OSCAR: variants seen among roughly 807,000 people sequenced by gnomAD.
OSCAR encodes osteoclast associated Ig-like receptor.
A neutral mutation model predicts 27.3 loss-of-function variants in OSCAR; 25 were observed. That is an observed-to-expected ratio of 0.92 (90% CI 0.67 to 1.28). The LOEUF (loss-of-function observed/expected upper bound fraction) is 1.28, where lower values mean the gene tolerates loss of function less well. Ranked by LOEUF, OSCAR falls within the 50% of genes most tolerant of loss-of-function variation. The pLI is 0.00. For missense variants in OSCAR, 354 were observed against 355.1 expected (o/e 1.00, Z 0.03); for synonymous variants, 158 against 165.7 (o/e 0.95, Z 0.36).
rs374346416 is a variant in OSCAR, at chr19:54,097,215, G to C, written c.71-51C>G. ...CTCGGGCCTCCTGGGAGCCCCAGAA[G>C]ATGAAAGGGAAGTTGGGGAAGGAGG... is the stretch of plus-strand genomic sequence containing the variant. On this transcript the variant is annotated intron_variant, in intron 2 of 4. Transcript: ENST00000358375. 16 of 1,530,856 alleles carry C rather than the reference G, an allele frequency of 1.0e-5. No individual in the cohort carries two copies. In the African/African-American group the frequency reaches 1.9e-4, roughly 19 times the overall value. The allele number at this position is 1,530,856 out of a possible 1,614,324, so 94.8% of individuals were successfully genotyped here.
At position 54,095,154 on chromosome 19, in the gene OSCAR, T is replaced by C; in HGVS notation, c.*67A>G. ...ACTGTGGGGCTGCAGGAAAGGACAG[T>C]CCAGCCCAGGGTCCCAGCTTCTCCG... On this transcript the variant is annotated 3_prime_UTR_variant, in exon 5 of 5. Transcript: ENST00000358375. The C allele has an allele frequency of 4.5e-6, 7 of 1,558,908 alleles. No individual in the cohort carries two copies. Among genetic ancestry groups the C allele is most frequent in the Non-Finnish European group, 6.1e-6 (7 of 1,151,880 alleles).
Position 54,095,201 on chromosome 19 carries a change from G to A in OSCAR, c.*20C>T, listed in dbSNP as rs192551097. 32 of 1,607,278 alleles carry A rather than the reference G, an allele frequency of 2.0e-5. No individual in the cohort carries two copies. The highest frequency in any genetic ancestry group is 3.4e-4 in the Middle Eastern group (2 of 5,954). ...TCCGCCACTCAGGTTGGAAGTCTCG[G>A]GCTGCAGTGCTCCTGGGGCTCAGGG... On this transcript the variant is annotated 3_prime_UTR_variant, in exon 5 of 5. Coordinates refer to ENST00000358375, the MANE Select transcript of OSCAR (RefSeq NM_133169.6).
At chr19:54,100,625 C>T (rs774855808) in intron 1 of OSCAR, 131 bp downstream of exon 1, 466 of 983,530 alleles carry the variant, frequency 4.7e-4, no homozygotes, top group Non-Finnish European at 5.4e-4. Flanking sequence ...GGCCCCAGCC[C>T]TGTTCTTTAT....
Position 54,097,060 on chromosome 19 carries a change from C to T in OSCAR, c.175G>A (p.Ala59Thr), listed in dbSNP as rs141841086. 347 of 1,614,046 alleles carry T rather than the reference C, an allele frequency of 2.1e-4. No individual in the cohort carries two copies. Among genetic ancestry groups the T allele is most frequent in the Non-Finnish European group, 2.8e-4 (330 of 1,180,034 alleles). The change falls in exon 3 of 5, where the codon GCT becomes ACT. Residue 59 changes from alanine (A) to threonine (T), a missense_variant. By Grantham distance (58) the Ala-to-Thr change is moderately conservative. Coordinates refer to ENST00000358375, the MANE Select transcript of OSCAR (RefSeq NM_133169.6). ...VTLRCRAPQPAWRFGLFKPGE... is the reference protein window; with the variant it reads ...VTLRCRAPQPTWRFGLFKPGE... ...GGCTTGAAAAGTCCAAATCTCCAAGCGGGTTGGGGTGCCCGGCATCTCAAG... is the reference window on the plus strand; with the variant it reads ...GGCTTGAAAAGTCCAAATCTCCAAGTGGGTTGGGGTGCCCGGCATCTCAAG...
chr19:54,096,236 C>T, intron 3 of OSCAR, 83 bp from the exon 4 acceptor site: 1 of 1,212,936 alleles, frequency 8.2e-7, no homozygotes, highest in South Asian at 1.6e-5. Context: ...TCCTCTGTCT[C>T]TCGCTTTCTC....
intron 1 of OSCAR, among the ~76,000 whole-genome samples, chr19:54,100,455 G>A (rs1366243811): frequency 6.6e-6 from 1 of 152,070 alleles, no homozygotes; most frequent in African/African-American, 2.4e-5. Flanking sequence ...CCTTTTCCCA[G>A]GGAATCAGGA....
At chr19:54,095,717 G>C in intron 4 of OSCAR, 155 bp downstream of exon 4, 3 of 1,280,216 alleles carry the variant, frequency 2.3e-6, no homozygotes, top group Non-Finnish European at 3.2e-6. Context: ...CTGGGTCCCA[G>C]GAATCCTGGG....
At chr19:54,096,739 T>C in intron 3 of OSCAR, 123 bp downstream of exon 3, 1 of 1,088,698 alleles carries the variant, frequency 9.2e-7, no homozygotes, top group Non-Finnish European at 1.3e-6. Context: ...TCTGTATCTG[T>C]CTTTTCTTGT....
At chr19:54,097,578 C>CTCTAATTTTAAATAGCTTT in intron 2 of OSCAR, among the ~76,000 whole-genome samples, 1 of 143,998 alleles carries the variant, frequency 6.9e-6, no homozygotes, top group Middle Eastern at 3.5e-3. Flanking sequence ...TGCCACCACA[C>CTCTAATTTTAAATAGCTTT]CCAGACTTTT....
intron 2 of OSCAR, among the ~76,000 whole-genome samples, chr19:54,098,260 A>T (rs1166157442): frequency 6.6e-6 from 1 of 152,150 alleles, no homozygotes; most frequent in African/African-American, 2.4e-5. Context: ...CACAAATCAC[A>T]CAAATTAAGA....
Position 54,095,922 on chromosome 19 carries a change from G to A in OSCAR, c.605C>T (p.Ala202Val). ...TYSCYYHTPS[A>V]PYVLSQRSEV... ...GCTGCGCTGCGACAGCACGTAGGGCGCGGAGGGCGTGTGATAGTAGCAGCT... is the reference window on the plus strand; with the variant it reads ...GCTGCGCTGCGACAGCACGTAGGGCACGGAGGGCGTGTGATAGTAGCAGCT... The change falls in exon 4 of 5, where the codon GCG (alanine) becomes GTG (valine). Residue 202 changes from alanine to valine, a missense_variant. Ala to Val is a moderately conservative substitution (Grantham distance 64). Coordinates refer to ENST00000358375, the MANE Select transcript of OSCAR (RefSeq NM_133169.6). 1.3e-6 allele frequency: 2 copies of A among 1,581,746 alleles called. No homozygotes were observed. Among genetic ancestry groups the A allele is most frequent in the Non-Finnish European group, 1.7e-6 (2 of 1,164,190 alleles).
intron 2 of OSCAR, among the ~76,000 whole-genome samples, chr19:54,098,843 G>A (rs587638944): frequency 7.2e-5 from 11 of 151,738 alleles, no homozygotes; most frequent in East Asian, 2.0e-4. Flanking sequence ...AAAATTATCC[G>A]GGCATTGTGG....
chr19:54,097,263 G>A, intron 2 of OSCAR, 99 bp from the exon 3 acceptor site: 2 of 1,225,026 alleles, frequency 1.6e-6, no homozygotes, highest in Non-Finnish European at 2.3e-6. Flanking sequence ...GACAATTACT[G>A]CCCCTTTCTT....
At chr19:54,098,320 T>G (rs12980182) in intron 2 of OSCAR, among the ~76,000 whole-genome samples, 60,269 of 151,998 alleles carry the variant, frequency 0.4, 13,744 homozygotes, top group Non-Finnish European at 0.52. Flanking sequence ...ATCCCAGCAC[T>G]TTGGGAGGCC....
At chr19:54,095,424 A>G (rs1451178218) in intron 4 of OSCAR, 67 bp from the exon 5 acceptor site, 1 of 1,512,250 alleles carries the variant, frequency 6.6e-7, no homozygotes. Flanking sequence ...CCTGAACTCC[A>G]GGTTTCCAGC....
chr19:54,099,910 T>G, intron 1 of OSCAR, 130 bp from the exon 2 acceptor site: 1 of 1,076,990 alleles, frequency 9.3e-7, no homozygotes. Context: ...CCTCCCAGGT[T>G]CAAGTGATTC....
At chr19:54,097,352 G>A (rs993728625) in intron 2 of OSCAR, among the ~76,000 whole-genome samples, 188 bp from the exon 3 acceptor site, 1 of 152,110 alleles carries the variant, frequency 6.6e-6, no homozygotes, top group East Asian at 1.9e-4. Context: ...GCAAATCAGA[G>A]GGGCAGGACA....
intron 2 of OSCAR, among the ~76,000 whole-genome samples, chr19:54,097,868 T>A (rs2072837699): frequency 6.6e-6 from 1 of 152,042 alleles, no homozygotes; most frequent in Non-Finnish European, 1.5e-5. Flanking sequence ...CCCAAAGTGC[T>A]GGGATTACAG....
Position 54,096,878 on chromosome 19 carries a change from C to T in OSCAR, c.357G>A (p.Leu119=). ...GGACCTCACCTGTCACCAGCAGCTCCAGGACATCGCTGGGCTGGGACCAGA... is the reference window on the plus strand; with the variant it reads ...GGACCTCACCTGTCACCAGCAGCTCTAGGACATCGCTGGGCTGGGACCAGA... ...PGVWSQPSDV[L]ELLVTEELPR... is the part of the protein sequence containing the mutation. Residue 119 remains leucine, a synonymous_variant, in exon 3 of 5, where the codon CTG becomes CTA. Transcript: ENST00000358375. The T allele has an allele frequency of 6.2e-7, 1 of 1,613,710 alleles. No homozygotes were observed. The highest frequency in any genetic ancestry group is 8.5e-7 in the Non-Finnish European group (1 of 1,179,780).
Sources: gnomAD v4.1 joint callset for allele counts (sites outside exome capture counted in the v4.1 genomes callset) on GRCh38, gnomAD v4.1.1 for gene constraint, MANE v1.5 for transcripts, NCBI Gene and HGNC (gene_info 2026-07-23, HGNC 2026-07-21) for gene names.